Variants in KAZN observed in about 807,000 individuals in gnomAD.
KAZN encodes kazrin, periplakin interacting protein.
A neutral mutation model predicts 87.4 loss-of-function variants in KAZN; 40 were observed. That is an observed-to-expected ratio of 0.46 (90% CI 0.36 to 0.60). The LOEUF is 0.60. Among genes scored for constraint, KAZN ranks in the 20% least tolerant of loss-of-function variants. The pLI, the probability that KAZN is intolerant of heterozygous loss-of-function variation, is 0.00. For missense variants in KAZN, 898 were observed against 1,073.9 expected (o/e 0.84, Z 2.29); for synonymous variants, 466 against 458.3 (o/e 1.02, Z -0.22).
rs1348577615 is a variant in KAZN at position 15,003,004 on chromosome 1, GTACA to G, written c.419-31744_419-31741del. On this transcript the variant is annotated intron_variant, in intron 2 of 14. Transcript: ENST00000376030. ...AAATAAAATAAAAATAAAAATAAAC[GTACA>G]CACACACACACACACACACACACAC... 2.5e-3 allele frequency among the ~76,000 whole-genome samples: 284 copies of G among 115,028 alleles called. 1 individual carries two copies. The highest frequency in any genetic ancestry group is 8.9e-3 in the African/African-American group (224 of 25,270). The allele number at this position is 115,028 out of a possible 152,430, so 75.5% of individuals were successfully genotyped here.
intron 1 of KAZN, among the ~76,000 whole-genome samples, chr1:13,904,091 G>A (rs978441094): frequency 4.6e-5 from 7 of 152,220 alleles, no homozygotes; most frequent in Non-Finnish European, 7.3e-5. Flanking sequence ...AATGTCATCA[G>A]TGCTTAACAT....
chr1:14,839,021 A>C (rs1035822841), intron 1 of KAZN, among the ~76,000 whole-genome samples: 1 of 152,326 alleles, frequency 6.6e-6, no homozygotes, highest in East Asian at 1.9e-4. Flanking sequence ...AACTCCTGCC[A>C]GGGGCATCAT....
chr1:14,994,021 G>T (rs542488454), intron 2 of KAZN, among the ~76,000 whole-genome samples: 6 of 152,278 alleles, frequency 3.9e-5, no homozygotes, highest in African/African-American at 1.4e-4. Context: ...CTTAGGCATG[G>T]TCGCCTTTCC....
chr1:14,551,920 ACTCTT>A (rs1467185533), intron 2 of KAZN, among the ~76,000 whole-genome samples: 2 of 151,616 alleles, frequency 1.3e-5, no homozygotes, highest in Non-Finnish European at 2.9e-5. Context: ...GATGTCATGT[ACTCTT>A]CTCTACTCAT....
At chr1:14,369,549 A>G (rs1660302058) in intron 2 of KAZN, among the ~76,000 whole-genome samples, 1 of 152,196 alleles carries the variant, frequency 6.6e-6, no homozygotes, top group African/African-American at 2.4e-5. Context: ...GGAAGAAAAA[A>G]TGGGGAAAGG....
At chr1:14,871,903 G>T (rs1200131114) in intron 1 of KAZN, among the ~76,000 whole-genome samples, 2 of 152,020 alleles carry the variant, frequency 1.3e-5, no homozygotes, top group Non-Finnish European at 2.9e-5. Context: ...GTGTTTAGAG[G>T]GGGTGGGCCA....
intron 1 of KAZN, among the ~76,000 whole-genome samples, chr1:13,953,081 G>T (rs1430649170): frequency 2.0e-5 from 3 of 152,168 alleles, no homozygotes; most frequent in African/African-American, 7.2e-5. Context: ...AACAGAACAG[G>T]CTGTGGTGGG....
chr1:13,955,309 C>A (rs963633328), intron 1 of KAZN, among the ~76,000 whole-genome samples: 1 of 151,968 alleles, frequency 6.6e-6, no homozygotes. Context: ...CATTAGTATA[C>A]CTGAGTGTTA....
intron 4 of KAZN, among the ~76,000 whole-genome samples, chr1:15,045,644 G>A (rs1573167098): frequency 6.6e-6 from 1 of 152,316 alleles, no homozygotes. Context: ...CTGAGACTGG[G>A]TAATTTATAA....
At chr1:14,631,229 A>C (rs1557850327) in intron 1 of KAZN, among the ~76,000 whole-genome samples, 1 of 152,198 alleles carries the variant, frequency 6.6e-6, no homozygotes, top group Non-Finnish European at 1.5e-5. Context: ...TAAGAGATTA[A>C]AAGGGCGGAG....
chr1:14,099,790 G>T lies in KAZN; in HGVS notation c.92-80645G>T, dbSNP rs551832528. On this transcript the variant is annotated intron_variant, in intron 1 of 16. Transcript: ENST00000636203. The stretch of plus-strand genomic sequence containing the variant: ...CTAAAAGTGAAATGGTACCTTTAAA[G>T]GTGGATTGCCTGTGCTTCTTCCCCT... 3.0e-3 allele frequency among the ~76,000 whole-genome samples: 454 copies of T among 152,256 alleles called. 6 individuals are homozygous for T. The highest frequency in any genetic ancestry group is 0.011 in the African/African-American group (439 of 41,538).
chr1:14,033,500 G>A (rs770544433), intron 1 of KAZN, among the ~76,000 whole-genome samples: 10 of 152,166 alleles, frequency 6.6e-5, no homozygotes, highest in South Asian at 2.1e-4. Flanking sequence ...TCCTGGCTGC[G>A]CAAGTGCCAA....
chr1:14,748,655 G>A (rs1001326859), intron 1 of KAZN, among the ~76,000 whole-genome samples: 2 of 152,194 alleles, frequency 1.3e-5, no homozygotes, highest in African/African-American at 2.4e-5. Flanking sequence ...GTTGAGGTTG[G>A]TGTCTCTTGG....
intron 2 of KAZN, among the ~76,000 whole-genome samples, chr1:14,428,416 G>A (rs1469732356): frequency 6.6e-6 from 1 of 152,094 alleles, no homozygotes; most frequent in Non-Finnish European, 1.5e-5. Context: ...AAAAGGTAAA[G>A]GAGGTATATA....
chr1:14,338,578 G>T (rs1408699546), intron 2 of KAZN, among the ~76,000 whole-genome samples: 1 of 150,714 alleles, frequency 6.6e-6, no homozygotes. Flanking sequence ...TCTGGGAAAG[G>T]TGTCCTCAGA....
In KAZN at chr1:14,072,403, C is replaced by A. The variant is rs147072899; in HGVS notation, c.92-108032C>A. Among the ~76,000 whole-genome samples, 817 of 152,164 alleles carry A rather than the reference C, an allele frequency of 5.4e-3. 4 individuals are homozygous for A. The highest frequency in any genetic ancestry group is 9.3e-3 in the Non-Finnish European group (631 of 68,006). ...GCTCCTCCATCTATTTCTTCCAGGGCCTCGGAAAGATGGTAATGACTCCAT... is the reference window on the plus strand; with the variant it reads ...GCTCCTCCATCTATTTCTTCCAGGGACTCGGAAAGATGGTAATGACTCCAT... On this transcript the variant is annotated intron_variant, in intron 1 of 16. Coordinates refer to the KAZN transcript ENST00000636203.
At chr1:14,390,112 A>G (rs941017268) in intron 2 of KAZN, among the ~76,000 whole-genome samples, 4 of 152,222 alleles carry the variant, frequency 2.6e-5, no homozygotes, top group Non-Finnish European at 5.9e-5. Context: ...TCCATTTGCA[A>G]AAACAAAATC....
chr1:14,872,240 T>C (rs1015907106), intron 1 of KAZN, among the ~76,000 whole-genome samples: 1 of 152,202 alleles, frequency 6.6e-6, no homozygotes, highest in African/African-American at 2.4e-5. Context: ...TGGGATATAA[T>C]AAACTACTAC....
chr1:14,014,030 T>C (rs998307882), intron 1 of KAZN, among the ~76,000 whole-genome samples: 6 of 152,224 alleles, frequency 3.9e-5, no homozygotes, highest in African/African-American at 1.4e-4. Context: ...TTGCATTAAA[T>C]AGCTTTAGGC....
Sources: gnomAD v4.1 joint callset for allele counts (sites outside exome capture counted in the v4.1 genomes callset) on GRCh38, gnomAD v4.1.1 for gene constraint, MANE v1.5 for transcripts, NCBI Gene and HGNC (gene_info 2026-07-23, HGNC 2026-07-21) for gene names.